FANCA: variants seen among roughly 807,000 people sequenced by gnomAD.
The protein encoded by FANCA is FA complementation group A, also known as Fanconi anemia group A protein.
Under a neutral mutation model 194.3 loss-of-function variants are expected in FANCA, and 236 were observed. The ratio of observed to expected loss-of-function variants is 1.21; its 90% confidence interval spans 1.09 to 1.35. FANCA has a LOEUF of 1.35. Among genes scored for constraint, FANCA ranks in the 40% most tolerant of loss-of-function variants. The probability of loss-of-function intolerance (pLI) is 0.00; values close to 1 mark genes in which losing one functional copy is unlikely to be tolerated. For missense variants in FANCA, 2,628 were observed against 1,813.9 expected, an observed-to-expected ratio of 1.45 and a Z score of -8.15; for synonymous variants, 1,014 against 715.8, an observed-to-expected ratio of 1.42 and a Z score of -6.65.
chr16:89,806,989 C>T (rs1330349048), intron 6 of FANCA, among the ~76,000 whole-genome samples: 1 of 152,126 alleles, frequency 6.6e-6, no homozygotes, highest in Admixed American at 6.5e-5. Context: ...CTGACTCCCC[C>T]ACCTCCCTCC....
chr16:89,791,466 C>G lies in FANCA; in HGVS notation c.1296G>C (p.Leu432=), dbSNP rs757389826. The G allele has an allele frequency of 1.9e-6, 3 of 1,614,170 alleles. No homozygotes were observed. Among genetic ancestry groups the G allele is most frequent in the East Asian group, 2.2e-5 (1 of 44,864 alleles). Residue 432 remains leucine (L), a synonymous_variant, in exon 14 of 43, where the codon CTG becomes CTC. Coordinates refer to ENST00000389301, the MANE Select transcript of FANCA (RefSeq NM_000135.4). Reference sequence around the variant, plus strand: ...CCTCCAGTGCTGCCTGGCGCACAACCAGGAACGCAGTGACCATGCTGTCCA... The same window carrying G: ...CCTCCAGTGCTGCCTGGCGCACAACGAGGAACGCAGTGACCATGCTGTCCA... ...CQLDSMVTAF[L]VVRQAALEGP...
At position 89,737,962 on chromosome 16, in the gene FANCA, CCT is replaced by C; in HGVS notation, c.*637_*638del. 1.9e-6 allele frequency: 3 copies of C among 1,614,126 alleles called. No homozygotes were observed. The highest frequency in any genetic ancestry group is 1.7e-6 in the Non-Finnish European group (2 of 1,179,984). ...TGTGGCCCTCGCACCTTCTTATCTG[CCT>C]CTGTCCCCCAGGTGTGAGGTCTGTG... On this transcript the variant is annotated 3_prime_UTR_variant, in exon 43 of 43. Coordinates refer to ENST00000389301, the MANE Select transcript of FANCA (RefSeq NM_000135.4).
chr16:89,746,088 C>T (rs2038378539), intron 35 of FANCA, among the ~76,000 whole-genome samples: 1 of 152,178 alleles, frequency 6.6e-6, no homozygotes, highest in African/African-American at 2.4e-5. Context: ...AAATGCTGCC[C>T]TCCTCCCACT....
chr16:89,814,644 A>G, intron 2 of FANCA, 31 bp from the exon 3 acceptor site: 2 of 1,555,744 alleles, frequency 1.3e-6, no homozygotes, highest in Non-Finnish European at 1.8e-6. Context: ...AACTCCATTT[A>G]AAAAATTCAA....
At chr16:89,765,431 C>T (rs575865029) in intron 27 of FANCA, among the ~76,000 whole-genome samples, 4 of 152,392 alleles carry the variant, frequency 2.6e-5, no homozygotes, top group Non-Finnish European at 5.9e-5. Flanking sequence ...AGCCCCTCAG[C>T]GATCATGGCT....
chr16:89,770,271 G>C lies in FANCA; in HGVS notation c.2223-12C>G. On this transcript the variant is annotated splice_polypyrimidine_tract_variant and intron_variant, in intron 24 of 42. Transcript: ENST00000389301. ...CCCAGGGACCCTGCCTGCAGAGACA[G>C]CCGTGAAACCATCAGTACTAGCCAT... 6.4e-7 allele frequency: 1 copy of C among 1,563,232 alleles called. No homozygotes were observed. The highest frequency in any genetic ancestry group is 1.2e-5 in the South Asian group (1 of 85,060).
chr16:89,804,908 G>A (rs1161156472), intron 7 of FANCA, among the ~76,000 whole-genome samples: 1 of 152,076 alleles, frequency 6.6e-6, no homozygotes, highest in East Asian at 1.9e-4. Context: ...ATGGTGCCAC[G>A]TGCCTGCAGT....
chr16:89,816,011 C>T, intron 1 of FANCA, 25 bp from the exon 2 acceptor site: 2 of 1,569,132 alleles, frequency 1.3e-6, no homozygotes, highest in South Asian at 1.1e-5. Context: ...CGGTTCGAAA[C>T]CATCACAGCA....
chr16:89,810,796 G>C lies in FANCA; in HGVS notation c.433C>G (p.Leu145Val), dbSNP rs2143677903. The C allele has an allele frequency of 1.2e-6, 2 of 1,612,544 alleles. No individual in the cohort carries two copies. Among genetic ancestry groups the C allele is most frequent in the Middle Eastern group, 1.7e-4 (1 of 6,060 alleles). ...TGAGCAAACTCTAACAGGGAAGACAGCTTCTTCTGAAAAGAGAGATTACAT... is the reference window on the plus strand; with the variant it reads ...TGAGCAAACTCTAACAGGGAAGACACCTTCTTCTGAAAAGAGAGATTACAT... Reference protein sequence around the residue: ...VLLTVEQRKKLSSLLEFAQYL... With the variant: ...VLLTVEQRKKVSSLLEFAQYL... Residue 145 changes from leucine (L) to valine (V), a missense_variant, in exon 5 of 43, where the codon CTG (leucine) becomes GTG (valine). By Grantham distance (32) the Leu-to-Val change is conservative. Transcript: ENST00000389301.
At chr16:89,783,290 C>T (rs555526875) in intron 15 of FANCA, among the ~76,000 whole-genome samples, 188 bp from the exon 16 acceptor site, 2 of 152,276 alleles carry the variant, frequency 1.3e-5, no homozygotes, top group African/African-American at 4.8e-5. Context: ...GCGGCTTACA[C>T]CTGTAATCCC....
chr16:89,761,049 T>C (rs1044122515), intron 29 of FANCA, among the ~76,000 whole-genome samples: 1 of 152,176 alleles, frequency 6.6e-6, no homozygotes, highest in Non-Finnish European at 1.5e-5. Flanking sequence ...ACTCCCTGCT[T>C]CTAGAACACT....
chr16:89,738,183 AC>A lies in FANCA; in HGVS notation c.*417del. On this transcript the variant is annotated 3_prime_UTR_variant, in exon 43 of 43. Coordinates refer to ENST00000389301, the MANE Select transcript of FANCA (RefSeq NM_000135.4). ...CCCTGCCCCTGGAGGCGGAACCACC[AC>A]CTGGGCCACCGAGCCCCTCTGTGAC... The A allele has an allele frequency of 6.2e-7, 1 of 1,610,654 alleles. No individual in the cohort carries two copies. The highest frequency in any genetic ancestry group is 1.3e-5 in the African/African-American group (1 of 74,916).
rs2062204807 is a variant in FANCA at position 89,744,682 on chromosome 16, T to C, written c.3626+277A>G. 4 of 455,658 alleles carry C rather than the reference T, an allele frequency of 8.8e-6. No individual in the cohort carries two copies. In the Admixed American group the frequency reaches 1.4e-4, roughly 16 times the overall value. 28.2% of individuals were successfully genotyped at this position (455,658 alleles called of 1,614,324 possible). A position where few individuals can be genotyped will look rare whatever the true frequency, so the allele number is the denominator to read the frequency against. On this transcript the variant is annotated intron_variant, in intron 36 of 42. Transcript: ENST00000389301. ...CAGAGGCTGTTTTTTTTTTTGTTTT[T>C]TTTCTGGACAGAGTCTTGCTCTATT...
Position 89,773,397 on chromosome 16 carries a change from G to A in FANCA, c.1901-13C>T. 3 of 1,533,552 alleles carry A rather than the reference G, an allele frequency of 2.0e-6. No homozygotes were observed. Among genetic ancestry groups the A allele is most frequent in the East Asian group, 2.5e-5 (1 of 40,792 alleles). The allele number at this position is 1,533,552 out of a possible 1,614,324, so 95.0% of individuals were successfully genotyped here. ...CCCAGGGCTGCATCTGTGAGAAGAA[G>A]GAAGAAACCAGATGGAAAGACACTC... On this transcript the variant is annotated splice_polypyrimidine_tract_variant and intron_variant, in intron 21 of 42. Coordinates refer to ENST00000389301, the MANE Select transcript of FANCA (RefSeq NM_000135.4).
intron 30 of FANCA, 45 bp from the exon 31 acceptor site, chr16:89,752,267 G>A: frequency 6.6e-7 from 1 of 1,505,238 alleles, no homozygotes; most frequent in East Asian, 2.2e-5. Context: ...TCGCCTAATA[G>A]TGCTGAAGTT....
intron 37 of FANCA, among the ~76,000 whole-genome samples, chr16:89,741,490 G>C (rs1163613814): frequency 6.6e-6 from 1 of 152,244 alleles, no homozygotes. Context: ...GCTGGGCACA[G>C]AGGGCTGCTG....
intron 10 of FANCA, among the ~76,000 whole-genome samples, chr16:89,797,321 ACT>A (rs933622797): frequency 2.4e-4 from 36 of 151,922 alleles, no homozygotes; most frequent in African/African-American, 7.5e-4. Context: ...ACACAGTGAG[ACT>A]CTGTCTCAAA....
rs369988875 is a variant in FANCA, at chr16:89,784,953, C to A, written c.1371G>T (p.Gly457=). The stretch of plus-strand genomic sequence containing the variant: ...TGCAGCCATGGTAGCCTCGTGTGCT[C>A]CCAAAGGAGGCCTGTGTGGAGAGAA... ...SYADWFKASF[G]STRGYHGCSK... Residue 457 remains glycine, a synonymous_variant, in exon 15 of 43, where the codon GGG becomes GGT. Transcript: ENST00000389301. 42 of 1,613,402 alleles carry A rather than the reference C, an allele frequency of 2.6e-5. No individual in the cohort carries two copies. In the African/African-American group the frequency reaches 3.9e-4, roughly 15 times the overall value.
intron 20 of FANCA, 35 bp downstream of exon 20, chr16:89,778,766 G>C (rs1358229782): frequency 6.3e-7 from 1 of 1,593,080 alleles, no homozygotes; most frequent in Non-Finnish European, 8.6e-7. Context: ...AAGAAACCTG[G>C]AAGTAGTCAT....
Sources: gnomAD v4.1 joint callset for allele counts (sites outside exome capture counted in the v4.1 genomes callset) on GRCh38, gnomAD v4.1.1 for gene constraint, MANE v1.5 for transcripts, NCBI Gene and HGNC (gene_info 2026-07-23, HGNC 2026-07-21) for gene names.